COPG2: variants seen among roughly 807,000 people sequenced by gnomAD.
The protein encoded by COPG2 is coat protein complex I subunit gamma 2.
In COPG2, 37 loss-of-function variants were observed where a neutral mutation model predicts 46.3. The observed-to-expected ratio is 0.80, with a 90% CI of 0.61 to 1.05. The LOEUF is 1.05. COPG2 is among the 50% of genes least tolerant of loss of function. The probability of loss-of-function intolerance (pLI) is 0.00; values close to 1 mark genes in which losing one functional copy is unlikely to be tolerated. For missense variants in COPG2, 427 were observed against 387.8 expected (o/e 1.10, Z -0.85); for synonymous variants, 159 against 129.7 (o/e 1.23, Z -1.53).
At chr7:130,663,130 A>C (rs1796010434) in intron 3 of COPG2, 92 bp from the exon 4 acceptor site, 1 of 680,100 alleles carries the variant, frequency 1.5e-6, no homozygotes, top group Admixed American at 3.7e-5. Flanking sequence ...ATTTCTGCAA[A>C]AATCCTTTAG....
At chr7:130,607,811 G>A (rs1794763587) in intron 9 of COPG2, 1 of 519,726 alleles carries the variant, frequency 1.9e-6, no homozygotes. Flanking sequence ...CTACACTGAG[G>A]AATTACAGAA....
At chr7:130,532,862 A>G (rs1294370156) in intron 20 of COPG2, among the ~76,000 whole-genome samples, 1 of 152,140 alleles carries the variant, frequency 6.6e-6, no homozygotes, top group Non-Finnish European at 1.5e-5. Flanking sequence ...GGGCCTGGTC[A>G]AGAAAGGAGG....
At chr7:130,540,786 T>G (rs1471297825) in intron 20 of COPG2, among the ~76,000 whole-genome samples, 3 of 152,032 alleles carry the variant, frequency 2.0e-5, no homozygotes, top group African/African-American at 7.3e-5. Flanking sequence ...TCCATAGCAG[T>G]GATTCTTATC....
chr7:130,607,957 T>C (rs1794767146), intron 9 of COPG2, among the ~76,000 whole-genome samples: 1 of 152,230 alleles, frequency 6.6e-6, no homozygotes, highest in Non-Finnish European at 1.5e-5. Flanking sequence ...TTGTGGGTTA[T>C]CTTCATTTTG....
intron 9 of COPG2, among the ~76,000 whole-genome samples, chr7:130,568,207 G>A (rs1563044963): frequency 6.6e-6 from 1 of 152,092 alleles, no homozygotes; most frequent in Non-Finnish European, 1.5e-5. Context: ...CCTGGGAGAC[G>A]GACGTTGCGG....
intron 17 of COPG2, among the ~76,000 whole-genome samples, chr7:130,550,177 G>A (rs1793513865): frequency 1.3e-5 from 2 of 152,012 alleles, no homozygotes; most frequent in African/African-American, 2.4e-5. Flanking sequence ...GTGGGAGGCC[G>A]AGGTGGGTGG....
rs541200097 is a variant in COPG2, at chr7:130,628,833, C to T, written c.324-11768G>A. ...GCCGAGGCAGGAGGATCACTTGATG[C>T]CAGAAGTTCAAGACCAGTCTGAGCA... On this transcript the variant is annotated intron_variant, in intron 5 of 23. Coordinates refer to ENST00000425248, the MANE Select transcript of COPG2 (RefSeq NM_012133.6). Among the ~76,000 whole-genome samples, 112 of 152,178 alleles carry T rather than the reference C, an allele frequency of 7.4e-4. 2 individuals carry two copies. Among genetic ancestry groups the T allele is most frequent in the Non-Finnish European group, 1.2e-3 (82 of 67,992 alleles).
chr7:130,611,047 A>G lies in COPG2; in HGVS notation c.643T>C (p.Leu215=). The part of the protein sequence containing the change: ...KNDRLAVSKM[L]NKFTKSGLKS... The stretch of plus-strand genomic sequence containing the variant: ...AGACCAGATTTAGTAAACTTATTCA[A>G]CATCTTGGAAACAGCAAGTCGATCA... Residue 215 remains leucine, a synonymous_variant, in exon 9 of 24, where the codon TTG becomes CTG. Coordinates refer to ENST00000425248, the MANE Select transcript of COPG2 (RefSeq NM_012133.6). 1 of 1,613,916 alleles carries G rather than the reference A, an allele frequency of 6.2e-7. No homozygotes were observed. The highest frequency in any genetic ancestry group is 8.5e-7 in the Non-Finnish European group (1 of 1,179,824).
chr7:130,590,019 A>G (rs1794363633), intron 9 of COPG2, among the ~76,000 whole-genome samples: 1 of 152,132 alleles, frequency 6.6e-6, no homozygotes, highest in Non-Finnish European at 1.5e-5. Flanking sequence ...TTGTTGTAAA[A>G]ACTATCAATA....
chr7:130,585,905 T>C (rs1554447908), intron 9 of COPG2, among the ~76,000 whole-genome samples: 3 of 152,184 alleles, frequency 2.0e-5, no homozygotes, highest in African/African-American at 2.4e-5. Context: ...AGAAAAACAG[T>C]GTGGAGATTC....
intron 5 of COPG2, among the ~76,000 whole-genome samples, chr7:130,623,305 C>T (rs568601741): frequency 9.2e-5 from 14 of 152,238 alleles, no homozygotes; most frequent in African/African-American, 3.4e-4. Flanking sequence ...TTAGTCTATT[C>T]CATGGGTCTA....
chr7:130,513,000 T>C (rs567307600), intron 20 of COPG2, among the ~76,000 whole-genome samples: 7 of 151,572 alleles, frequency 4.6e-5, no homozygotes, highest in Non-Finnish European at 7.4e-5. Flanking sequence ...AAAGTGTGGG[T>C]AGGGGCTGGG....
chr7:130,554,275 T>C (rs1793582322), intron 14 of COPG2, among the ~76,000 whole-genome samples: 3 of 152,180 alleles, frequency 2.0e-5, no homozygotes, highest in Admixed American at 2.0e-4. Flanking sequence ...AGTATTCCTA[T>C]CTTACTGAAA....
intron 4 of COPG2, among the ~76,000 whole-genome samples, chr7:130,659,224 G>A (rs180801469): frequency 7.3e-5 from 11 of 151,274 alleles, no homozygotes; most frequent in Admixed American, 2.0e-4. Context: ...GTGTGGTGGC[G>A]GGTGCCTGTA....
intron 5 of COPG2, among the ~76,000 whole-genome samples, chr7:130,623,485 T>C (rs1456987142): frequency 6.6e-6 from 1 of 152,218 alleles, no homozygotes; most frequent in Non-Finnish European, 1.5e-5. Context: ...TACTGACTAG[T>C]AGAGCTAGCT....
At chr7:130,576,101 G>A (rs1347752556) in intron 9 of COPG2, among the ~76,000 whole-genome samples, 3 of 152,146 alleles carry the variant, frequency 2.0e-5, no homozygotes, top group Non-Finnish European at 2.9e-5. Context: ...AAATGAGATA[G>A]ATGGCAACAC....
At chr7:130,594,869 T>C (rs1164405663) in intron 9 of COPG2, among the ~76,000 whole-genome samples, 3 of 152,094 alleles carry the variant, frequency 2.0e-5, no homozygotes, top group African/African-American at 7.2e-5. Flanking sequence ...CAATGACAAG[T>C]GTTGGTGAGG....
chr7:130,639,205 A>T (rs1279103885), intron 5 of COPG2, among the ~76,000 whole-genome samples: 1 of 152,156 alleles, frequency 6.6e-6, no homozygotes, highest in Non-Finnish European at 1.5e-5. Context: ...TCCACGTCTG[A>T]GCTAATGAAT....
In COPG2 at chr7:130,616,837, A is replaced by C. The variant is rs182277477; in HGVS notation, c.399+153T>G. Among the ~76,000 whole-genome samples, 530 of 152,350 alleles carry C rather than the reference A, an allele frequency of 3.5e-3. 2 individuals are homozygous for C. Among genetic ancestry groups the C allele is most frequent in the African/African-American group, 0.012 (502 of 41,570 alleles). ...AAGGAAAAAAATCTGAAGACAAAAG[A>C]AAGCCTGGAGCCACAAAAGCCTTTC... On this transcript the variant is annotated intron_variant, in intron 6 of 23. Coordinates refer to ENST00000425248, the MANE Select transcript of COPG2 (RefSeq NM_012133.6).
Sources: gnomAD v4.1 joint callset for allele counts (sites outside exome capture counted in the v4.1 genomes callset) on GRCh38, gnomAD v4.1.1 for gene constraint, MANE v1.5 for transcripts, NCBI Gene and HGNC (gene_info 2026-07-23, HGNC 2026-07-21) for gene names.